Variants in KIF4A observed in about 807,000 individuals in gnomAD.
KIF4A encodes the protein kinesin family member 4A.
KIF4A carries 7 observed loss-of-function variants against 105.9 expected under a neutral mutation model. The ratio of observed to expected loss-of-function variants is 0.07; its 90% confidence interval spans 0.04 to 0.12. The LOEUF (loss-of-function observed/expected upper bound fraction) is 0.12. Among genes scored for constraint, KIF4A ranks in the 10% least tolerant of loss-of-function variants. The pLI is 1.00. For missense variants in KIF4A, 558 were observed against 929.2 expected (o/e 0.60, Z 5.19); for synonymous variants, 281 against 331.3 (o/e 0.85, Z 1.65).
At chrX:70,362,893 T>C (rs1418754945) in intron 15 of KIF4A, among the ~76,000 whole-genome samples, 1 of 111,664 alleles carries the variant, frequency 9.0e-6, no homozygotes, top group Non-Finnish European at 1.9e-5. Flanking sequence ...ATCTTTTTTT[T>C]TCTCTAAGAA....
At chrX:70,310,311 TTGTGTGTGTGTGTG>T (rs1555945529) in intron 7 of KIF4A, among the ~76,000 whole-genome samples, 3 of 86,284 alleles carry the variant, frequency 3.5e-5, no homozygotes, top group East Asian at 3.5e-4. Flanking sequence ...CTCAAAATGG[TTGTGTGTGTGTGTG>T]TGTGTGTGTG....
At chrX:70,315,827 C>T (rs1487130093) in intron 7 of KIF4A, among the ~76,000 whole-genome samples, 3 of 112,057 alleles carry the variant, frequency 2.7e-5, no homozygotes, top group Non-Finnish European at 5.6e-5. Context: ...ATGGGGAAAC[C>T]TGGCACACTC....
chrX:70,312,462 T>C (rs1176186652), intron 7 of KIF4A, among the ~76,000 whole-genome samples: 1 of 111,721 alleles, frequency 9.0e-6, no homozygotes, highest in Non-Finnish European at 1.9e-5. Flanking sequence ...AAATGTCCTT[T>C]AATCTCTAGG....
At chrX:70,382,172 G>A (rs1171835763) in intron 18 of KIF4A, among the ~76,000 whole-genome samples, 1 of 112,725 alleles carries the variant, frequency 8.9e-6, no homozygotes, top group Non-Finnish European at 1.9e-5. Flanking sequence ...GCTCACGCCT[G>A]TAGTCCCAGC....
intron 3 of KIF4A, among the ~76,000 whole-genome samples, chrX:70,296,139 C>T (rs1348868076): frequency 1.5e-4 from 12 of 81,509 alleles, no homozygotes; most frequent in African/African-American, 6.0e-4. Flanking sequence ...GGCTGGAGTG[C>T]AGTGGCTTGA....
At chrX:70,316,211 TCTA>T (rs1329681221) in intron 7 of KIF4A, among the ~76,000 whole-genome samples, 1 of 112,389 alleles carries the variant, frequency 8.9e-6, no homozygotes, top group Non-Finnish European at 1.9e-5. Context: ...TCCTAAATTC[TCTA>T]CTAAGTATTA....
intron 10 of KIF4A, among the ~76,000 whole-genome samples, chrX:70,334,782 A>G (rs781307946): frequency 6.9e-4 from 77 of 112,083 alleles, no homozygotes; most frequent in South Asian, 1.5e-3. Context: ...AAAAAGATAT[A>G]CTCAGAGCAG....
chrX:70,419,161 C>T (rs1486754713), intron 29 of KIF4A, among the ~76,000 whole-genome samples: 2 of 111,347 alleles, frequency 1.8e-5, no homozygotes, highest in African/African-American at 6.5e-5. Context: ...GTAGCAGAGA[C>T]CTTAAGGATC....
chrX:70,407,561 G>A (rs1248834816), intron 28 of KIF4A, among the ~76,000 whole-genome samples: 1 of 111,590 alleles, frequency 9.0e-6, no homozygotes, highest in Admixed American at 9.6e-5. Context: ...GGCCATCTTT[G>A]TGTAGAACCT....
chrX:70,348,902 G>A lies in KIF4A; in HGVS notation c.1432-3698G>A, dbSNP rs374131692. ...GTTGGGTACACCTCCCAGACGGGGCGGCCGGGCAGAGGCGCTCCTCACTTC... is the reference window on the plus strand; with the variant it reads ...GTTGGGTACACCTCCCAGACGGGGCAGCCGGGCAGAGGCGCTCCTCACTTC... On this transcript the variant is annotated intron_variant, in intron 13 of 30. Transcript: ENST00000374403. 6.5e-4 allele frequency among the ~76,000 whole-genome samples: 73 copies of A among 111,851 alleles called. 1 individual carries two copies. The highest frequency in any genetic ancestry group is 2.3e-3 in the African/African-American group (70 of 30,768).
At chrX:70,313,243 T>C (rs1049908052) in intron 7 of KIF4A, among the ~76,000 whole-genome samples, 1 of 112,089 alleles carries the variant, frequency 8.9e-6, no homozygotes, top group Non-Finnish European at 1.9e-5. Flanking sequence ...GGATTATATC[T>C]ATTTTGTCTA....
chrX:70,419,399 T>G (rs1035285144), intron 29 of KIF4A, among the ~76,000 whole-genome samples: 1 of 112,132 alleles, frequency 8.9e-6, no homozygotes, highest in Non-Finnish European at 1.9e-5. Context: ...GAGGCTTGTC[T>G]TTGCTTTAAA....
At chrX:70,369,560 A>C (rs1256560674) in intron 15 of KIF4A, among the ~76,000 whole-genome samples, 1 of 111,738 alleles carries the variant, frequency 8.9e-6, no homozygotes, top group Admixed American at 9.5e-5. Context: ...GAAAATGTAT[A>C]TCCTCATGAC....
chrX:70,406,441 T>A, intron 27 of KIF4A, 87 bp downstream of exon 27: 1 of 696,912 alleles, frequency 1.4e-6, no homozygotes, highest in Non-Finnish European at 2.2e-6. Flanking sequence ...AGGTTGACAG[T>A]TAAAATTCCC....
intron 28 of KIF4A, 81 bp from the exon 29 acceptor site, chrX:70,417,800 TAGAAAAG>T: frequency 1.4e-6 from 1 of 713,037 alleles, no homozygotes; most frequent in Non-Finnish European, 2.1e-6. Context: ...CATTTTTTTC[TAGAAAAG>T]CTTGCAAATG....
chrX:70,367,136 A>G (rs776106797), intron 15 of KIF4A, among the ~76,000 whole-genome samples: 7 of 111,082 alleles, frequency 6.3e-5, no homozygotes, highest in Admixed American at 9.6e-5. Flanking sequence ...TTTTGAGCCT[A>G]TGTGTGTCTC....
chrX:70,308,025 C>G (rs990283407), intron 7 of KIF4A, among the ~76,000 whole-genome samples: 14 of 112,470 alleles, frequency 1.2e-4, no homozygotes, highest in Non-Finnish European at 5.6e-5. Flanking sequence ...ACTGCTTAAA[C>G]AGAGTCTCAA....
intron 7 of KIF4A, among the ~76,000 whole-genome samples, chrX:70,314,281 TA>T (rs1180044660): frequency 8.9e-6 from 1 of 112,538 alleles, no homozygotes; most frequent in Non-Finnish European, 1.9e-5. Context: ...AGAAAGTTGC[TA>T]AACCCTCTGG....
intron 18 of KIF4A, among the ~76,000 whole-genome samples, chrX:70,382,941 T>C (rs1182125916): frequency 1.8e-5 from 2 of 111,331 alleles, no homozygotes; most frequent in Non-Finnish European, 3.8e-5. Flanking sequence ...TCCCAGCACT[T>C]TGGGAGGCCA....
Sources: gnomAD v4.1 joint callset for allele counts (sites outside exome capture counted in the v4.1 genomes callset) on GRCh38, gnomAD v4.1.1 for gene constraint, MANE v1.5 for transcripts, NCBI Gene and HGNC (gene_info 2026-07-23, HGNC 2026-07-21) for gene names.